The following LNX1 variants were observed in gnomAD, a reference collection of about 807,000 sequenced individuals.
The protein encoded by LNX1 is E3 ubiquitin-protein ligase LNX.
In LNX1, 54 loss-of-function variants were observed where a neutral mutation model predicts 68.4. The ratio of observed to expected loss-of-function variants is 0.79; its 90% CI spans 0.63 to 0.99. LNX1 has a LOEUF of 0.99. Ranked by LOEUF, LNX1 falls within the 50% of genes least tolerant of loss-of-function variation. The pLI is 0.00. For synonymous variants in LNX1, 336 were observed against 350.0 expected, an observed-to-expected ratio of 0.96 and a Z score of 0.45; for missense variants, 906 against 926.4, an observed-to-expected ratio of 0.98 and a Z score of 0.29.
intron 2 of LNX1, among the ~76,000 whole-genome samples, chr4:53,615,572 G>A (rs1733653572): frequency 6.6e-6 from 1 of 152,130 alleles, no homozygotes; most frequent in Non-Finnish European, 1.5e-5. Context: ...CTAGCTAAAG[G>A]CAGCTGAATG....
At chr4:53,634,359 T>C (rs1734384381) in intron 1 of LNX1, among the ~76,000 whole-genome samples, 1 of 151,208 alleles carries the variant, frequency 6.6e-6, no homozygotes, top group Non-Finnish European at 1.5e-5. Flanking sequence ...TTCTCCTGCC[T>C]CAGTCTCCCG....
At chr4:53,584,995 C>T (rs1560681638) in intron 1 of LNX1, among the ~76,000 whole-genome samples, 1 of 152,166 alleles carries the variant, frequency 6.6e-6, no homozygotes, top group Non-Finnish European at 1.5e-5. Flanking sequence ...TTTGGTTCTT[C>T]CAATTGTCTT....
intron 2 of LNX1, among the ~76,000 whole-genome samples, chr4:53,597,339 C>T (rs528250364): frequency 6.6e-6 from 1 of 152,272 alleles, no homozygotes; most frequent in South Asian, 2.1e-4. Context: ...TATGATCTGG[C>T]CCCTGTCTGC....
At chr4:53,587,580 T>A (rs564025771) in intron 1 of LNX1, among the ~76,000 whole-genome samples, 4 of 152,274 alleles carry the variant, frequency 2.6e-5, no homozygotes, top group African/African-American at 9.6e-5. Flanking sequence ...TTAGAGCATC[T>A]CTTATGTGTC....
rs1317950862 is a variant in LNX1, at chr4:53,460,399, T to A, written c.*508A>T. ...GAAAGAATAAATTACTAGGATCTTT[T>A]AAATAGTGATAATACAAAAGTAATC... On this transcript the variant is annotated 3_prime_UTR_variant, in exon 11 of 11. Coordinates refer to ENST00000263925, the MANE Select transcript of LNX1 (RefSeq NM_001126328.3). 5.3e-6 allele frequency: 1 copy of A among 188,758 alleles called. No homozygotes were observed. Among genetic ancestry groups the A allele is most frequent in the Non-Finnish European group, 1.1e-5 (1 of 90,136 alleles). 11.7% of individuals were successfully genotyped at this position (188,758 alleles called of 1,614,324 possible).
intron 6 of LNX1, among the ~76,000 whole-genome samples, chr4:53,494,732 C>G (rs1451348331): frequency 6.6e-6 from 1 of 152,198 alleles, no homozygotes; most frequent in Non-Finnish European, 1.5e-5. Flanking sequence ...CCCAGGGGTA[C>G]ATAAGCAGCA....
chr4:53,493,030 T>C (rs11133275), intron 6 of LNX1, among the ~76,000 whole-genome samples: 148,717 of 152,154 alleles, frequency 0.98, 72,776 homozygotes, highest in Middle Eastern at 1. Context: ...AGTGCAGTGG[T>C]GCGATCTTGG....
At chr4:53,644,528 A>G (rs1197303892) in intron 1 of LNX1, among the ~76,000 whole-genome samples, 1 of 152,234 alleles carries the variant, frequency 6.6e-6, no homozygotes, top group Non-Finnish European at 1.5e-5. Flanking sequence ...GACATATGCT[A>G]TATGTTAGTT....
intron 1 of LNX1, among the ~76,000 whole-genome samples, chr4:53,625,997 C>T (rs899448241): frequency 7.9e-5 from 12 of 152,042 alleles, no homozygotes; most frequent in African/African-American, 2.9e-4. Flanking sequence ...AAATTTCCAC[C>T]AACTGGTGAA....
chr4:53,472,849 G>T (rs71597843), intron 9 of LNX1, among the ~76,000 whole-genome samples: 9 of 152,110 alleles, frequency 5.9e-5, no homozygotes, highest in Admixed American at 1.3e-4. Context: ...GAGTGTTCCA[G>T]AGAGTTGTTA....
chr4:53,485,692 G>C (rs1484775549), intron 6 of LNX1, among the ~76,000 whole-genome samples: 1 of 152,196 alleles, frequency 6.6e-6, no homozygotes, highest in Non-Finnish European at 1.5e-5. Flanking sequence ...TAATATGCTT[G>C]TCCTGGCTTT....
At chr4:53,533,613 T>C (rs376230540) in intron 2 of LNX1, among the ~76,000 whole-genome samples, 1 of 152,200 alleles carries the variant, frequency 6.6e-6, no homozygotes, top group East Asian at 1.9e-4. Flanking sequence ...TTGATCAGAC[T>C]GGTCTCAAAC....
intron 9 of LNX1, among the ~76,000 whole-genome samples, chr4:53,467,622 T>C (rs1181923037): frequency 1.3e-5 from 2 of 151,984 alleles, no homozygotes; most frequent in South Asian, 2.1e-4. Flanking sequence ...CTAACTACAA[T>C]AGCCAATGCA....
chr4:53,490,532 G>A (rs966109306), intron 6 of LNX1, among the ~76,000 whole-genome samples: 1 of 151,158 alleles, frequency 6.6e-6, no homozygotes, highest in African/African-American at 2.4e-5. Flanking sequence ...AGTAAGCTGA[G>A]GTTAGAGCTC....
intron 1 of LNX1, among the ~76,000 whole-genome samples, chr4:53,632,704 G>A (rs1560701368): frequency 6.6e-6 from 1 of 152,174 alleles, no homozygotes; most frequent in Non-Finnish European, 1.5e-5. Context: ...ACTATGCCAT[G>A]GGGAACCATA....
intron 2 of LNX1, among the ~76,000 whole-genome samples, chr4:53,533,668 G>A (rs1728175322): frequency 6.6e-6 from 1 of 152,170 alleles, no homozygotes; most frequent in South Asian, 2.1e-4. Context: ...CCAAAGTGCT[G>A]GGATTACAGG....
intron 1 of LNX1, among the ~76,000 whole-genome samples, chr4:53,575,073 C>T (rs1431954636): frequency 6.6e-6 from 1 of 152,142 alleles, no homozygotes; most frequent in Admixed American, 6.5e-5. Context: ...CTGCCACCTC[C>T]CAGATGCAAG....
At chr4:53,537,978 G>C (rs1728494354) in intron 2 of LNX1, among the ~76,000 whole-genome samples, 1 of 152,204 alleles carries the variant, frequency 6.6e-6, no homozygotes, top group South Asian at 2.1e-4. Context: ...CTTGGCTACT[G>C]TCAATAATTG....
chr4:53,590,803 T>A (rs1248906691), intron 1 of LNX1, among the ~76,000 whole-genome samples: 3 of 151,736 alleles, frequency 2.0e-5, no homozygotes, highest in African/African-American at 7.3e-5. Flanking sequence ...TTTAAAAGAG[T>A]GTTCAACAAA....
Sources: gnomAD v4.1 joint callset for allele counts (sites outside exome capture counted in the v4.1 genomes callset) on GRCh38, gnomAD v4.1.1 for gene constraint, MANE v1.5 for transcripts, NCBI Gene and HGNC (gene_info 2026-07-23, HGNC 2026-07-21) for gene names.